The following DNAH3 variants were observed in gnomAD, a reference collection of about 807,000 sequenced individuals.
DNAH3 encodes the protein axonemal beta dynein heavy chain 3.
Under a neutral mutation model 432.5 loss-of-function variants are expected in DNAH3, and 332 were observed. The ratio of observed to expected loss-of-function variants is 0.77; its 90% confidence interval spans 0.70 to 0.84. DNAH3 has a LOEUF of 0.84. Among genes scored for constraint, DNAH3 ranks in the 40% least tolerant of loss-of-function variants. The pLI is 0.00. For missense variants in DNAH3, 4,861 were observed against 5,114.0 expected, an observed-to-expected ratio of 0.95 and a Z score of 1.51; for synonymous variants, 1,956 against 1,900.2, an observed-to-expected ratio of 1.03 and a Z score of -0.76.
chr16:20,960,798 G>A (rs929146586), intron 53 of DNAH3, among the ~76,000 whole-genome samples: 3 of 152,182 alleles, frequency 2.0e-5, no homozygotes, highest in Admixed American at 6.5e-5. Flanking sequence ...CTGGAGCCTG[G>A]ATGGAAAAAA....
At chr16:21,090,723 T>C (rs2091507338) in intron 18 of DNAH3, among the ~76,000 whole-genome samples, 1 of 152,172 alleles carries the variant, frequency 6.6e-6, no homozygotes, top group African/African-American at 2.4e-5. Context: ...GAAAGGCAGT[T>C]ACCAGAGGCT....
chr16:20,988,668 G>A (rs955207100), intron 44 of DNAH3, among the ~76,000 whole-genome samples: 2 of 152,220 alleles, frequency 1.3e-5, no homozygotes, highest in African/African-American at 4.8e-5. Flanking sequence ...ATCAATTCAG[G>A]AATACTTTTG....
Position 21,097,388 on chromosome 16 carries a change from C to T in DNAH3, c.2632G>A (p.Glu878Lys), listed in dbSNP as rs995608760. 2 of 1,614,010 alleles carry T rather than the reference C, an allele frequency of 1.2e-6. No individual in the cohort carries two copies. Among genetic ancestry groups the T allele is most frequent in the Non-Finnish European group, 1.7e-6 (2 of 1,179,950 alleles). Reference sequence around the variant, plus strand: ...CATTCCTCTGACTTGATGCTGAACTCATAGGCTGTCGACCACAGCTGCTCA... The same window carrying T: ...CATTCCTCTGACTTGATGCTGAACTTATAGGCTGTCGACCACAGCTGCTCA... Residue 878 changes from glutamate (E) to lysine (K), a missense_variant, in exon 18 of 62, where the codon GAG (glutamate) becomes AAG (lysine). Transcript: ENST00000261383.
chr16:21,062,711 CTG>C, intron 24 of DNAH3, 28 bp from the exon 25 acceptor site: 1 of 1,585,712 alleles, frequency 6.3e-7, no homozygotes, highest in Non-Finnish European at 8.6e-7. Context: ...AAGATGGTAA[CTG>C]GAACCTCTTC....
intron 41 of DNAH3, among the ~76,000 whole-genome samples, chr16:21,003,420 G>A (rs1428632133): frequency 6.6e-6 from 1 of 152,192 alleles, no homozygotes. Flanking sequence ...GTGTAAAAAT[G>A]ATAGGTGCTA....
chr16:21,093,765 A>C (rs1427750872), intron 18 of DNAH3, among the ~76,000 whole-genome samples: 2 of 152,226 alleles, frequency 1.3e-5, no homozygotes, highest in Non-Finnish European at 2.9e-5. Flanking sequence ...TCAAGACATC[A>C]ACCCACGAAG....
chr16:20,970,859 TATTC>T (rs1385864659), intron 51 of DNAH3, among the ~76,000 whole-genome samples: 4 of 145,052 alleles, frequency 2.8e-5, no homozygotes, highest in African/African-American at 1.0e-4. Context: ...TTCTTTTCTC[TATTC>T]TTTTTTTTTT....
chr16:20,969,516 C>T (rs994501070), intron 52 of DNAH3, among the ~76,000 whole-genome samples: 7 of 152,210 alleles, frequency 4.6e-5, no homozygotes, highest in Non-Finnish European at 7.3e-5. Flanking sequence ...ACCTGACCTT[C>T]ATTTTTGTAA....
intron 20 of DNAH3, 29 bp from the exon 21 acceptor site, chr16:21,075,590 T>A: frequency 6.5e-7 from 1 of 1,531,748 alleles, no homozygotes; most frequent in Middle Eastern, 1.7e-4. Flanking sequence ...AACAGCAACA[T>A]CAACAGGAGG....
chr16:20,972,241 T>C (rs1398447979), intron 51 of DNAH3, among the ~76,000 whole-genome samples: 2 of 150,898 alleles, frequency 1.3e-5, no homozygotes, highest in African/African-American at 4.9e-5. Context: ...TTTCTCTCTT[T>C]TTTTTTTTTT....
chr16:21,074,907 T>TAG (rs2090921228), intron 21 of DNAH3, among the ~76,000 whole-genome samples: 2 of 152,084 alleles, frequency 1.3e-5, no homozygotes, highest in Non-Finnish European at 2.9e-5. Flanking sequence ...CTGTACAAAC[T>TAG]CCTGTGTTTT....
chr16:21,125,478 C>G (rs1217108026), intron 8 of DNAH3, 108 bp from the exon 10 acceptor site: 3 of 826,358 alleles, frequency 3.6e-6, no homozygotes, highest in Non-Finnish European at 5.3e-6. Flanking sequence ...CAATGTCCCA[C>G]CAAGCAGCCT....
At chr16:21,100,995 C>T (rs1254884604) in intron 16 of DNAH3, among the ~76,000 whole-genome samples, 1 of 152,120 alleles carries the variant, frequency 6.6e-6, no homozygotes, top group Non-Finnish European at 1.5e-5. Context: ...TTCATGTCCC[C>T]ACAACACACA....
chr16:20,991,600 G>C (rs531748534), intron 44 of DNAH3, among the ~76,000 whole-genome samples: 71 of 152,226 alleles, frequency 4.7e-4, no homozygotes, highest in African/African-American at 1.7e-3. Flanking sequence ...TTAATTTATA[G>C]TTTTTTCCCT....
rs535325022 is a variant in DNAH3, at chr16:21,033,542, G to C, written c.5197+432C>G. Among the ~76,000 whole-genome samples the C allele has an allele frequency of 7.2e-5, 11 of 152,172 alleles. No homozygotes were observed. In the East Asian group the frequency reaches 1.9e-3, roughly 27 times the overall value. ...TTCAAAAGCAGGAGCTCCTATCCTTGACTTTAAAAGGAAGGAAAGAAGAAA... is the reference window on the plus strand; with the variant it reads ...TTCAAAAGCAGGAGCTCCTATCCTTCACTTTAAAAGGAAGGAAAGAAGAAA... On this transcript the variant is annotated intron_variant, in intron 36 of 61. Coordinates refer to ENST00000261383, the Ensembl canonical transcript of DNAH3.
intron 3 of DNAH3, among the ~76,000 whole-genome samples, chr16:21,141,719 G>A (rs1461275509): frequency 6.6e-6 from 1 of 152,194 alleles, no homozygotes; most frequent in Non-Finnish European, 1.5e-5. Flanking sequence ...TTATATTACT[G>A]TTTAATATTT....
intron 8 of DNAH3, among the ~76,000 whole-genome samples, chr16:21,127,417 C>T (rs965996211): frequency 5.3e-5 from 8 of 150,472 alleles, no homozygotes; most frequent in Non-Finnish European, 1.2e-4. Flanking sequence ...AAAAAATAGC[C>T]GGGCATGGTG....
intron 41 of DNAH3, among the ~76,000 whole-genome samples, chr16:21,005,150 CTCTT>C (rs201886606): frequency 1.4e-5 from 2 of 147,494 alleles, no homozygotes; most frequent in African/African-American, 2.6e-5. Flanking sequence ...TTTCTCTCGT[CTCTT>C]TCTTTTCTTT....
intron 3 of DNAH3, among the ~76,000 whole-genome samples, chr16:21,144,100 C>T (rs149857503): frequency 0.011 from 1,668 of 152,206 alleles, 39 homozygotes; most frequent in African/African-American, 0.038. Flanking sequence ...TATACCTATG[C>T]TTGGTGGGAA....
Sources: allele counts gnomAD v4.1 joint callset (sites outside exome capture counted in the v4.1 genomes callset), GRCh38; gene constraint gnomAD v4.1.1; transcripts MANE v1.5; gene names NCBI Gene and HGNC (gene_info 2026-07-23, HGNC 2026-07-21).